TBCK: variants seen among roughly 807,000 people sequenced by gnomAD.
TBCK encodes TBC1 domain containing kinase, also known as TBC domain-containing protein kinase-like protein.
TBCK carries 99 observed loss-of-function variants against 113.4 expected under a neutral mutation model. That is an observed-to-expected ratio of 0.87 (90% CI 0.74 to 1.03). The LOEUF is 1.03. TBCK is among the 50% of genes least tolerant of loss of function. The pLI is 0.00. For synonymous variants in TBCK, 369 were observed against 370.8 expected (o/e 1.00, Z 0.05); for missense variants, 1,045 against 1,061.3 (o/e 0.98, Z 0.21).
intron 25 of TBCK, among the ~76,000 whole-genome samples, chr4:106,087,884 C>T (rs1047526525): frequency 1.3e-5 from 2 of 152,206 alleles, no homozygotes; most frequent in East Asian, 3.8e-4. Flanking sequence ...GCTGGGAAGA[C>T]TGGCTAGCCA....
intron 24 of TBCK, 49 bp from the exon 25 acceptor site, chr4:106,095,690 T>C (rs374440593): frequency 1.9e-6 from 3 of 1,556,740 alleles, no homozygotes; most frequent in Non-Finnish European, 2.6e-6. Flanking sequence ...CAATCCTGAG[T>C]GTCTGAGGGA....
chr4:106,266,208 A>T (rs1281742477), intron 3 of TBCK, among the ~76,000 whole-genome samples: 1 of 149,382 alleles, frequency 6.7e-6, no homozygotes, highest in East Asian at 2.0e-4. Flanking sequence ...AAGAAAACAA[A>T]GTCTTCCCCT....
intron 22 of TBCK, among the ~76,000 whole-genome samples, chr4:106,192,993 T>C (rs56885542): frequency 0.018 from 2,774 of 152,258 alleles, 78 homozygotes; most frequent in African/African-American, 0.061. Context: ...ATTAATTTCA[T>C]CTTTTTACCC....
At chr4:106,205,414 T>C (rs1289222273) in intron 20 of TBCK, among the ~76,000 whole-genome samples, 1 of 151,724 alleles carries the variant, frequency 6.6e-6, no homozygotes, top group Non-Finnish European at 1.5e-5. Flanking sequence ...AGAAGTTCAC[T>C]GACATGGTTT....
At chr4:106,097,636 A>C (rs77454815) in intron 24 of TBCK, among the ~76,000 whole-genome samples, 9,479 of 152,212 alleles carry the variant, frequency 0.062, 345 homozygotes, top group Non-Finnish European at 0.08. Context: ...GTTTCCTTGG[A>C]AAGTATTTAC....
intron 3 of TBCK, among the ~76,000 whole-genome samples, chr4:106,272,450 A>G (rs1480469993): frequency 6.6e-6 from 1 of 150,656 alleles, no homozygotes; most frequent in African/African-American, 2.4e-5. Context: ...CTAAGAAAAT[A>G]TCTAGGCTTA....
chr4:106,154,579 T>C (rs1748905260), intron 23 of TBCK, among the ~76,000 whole-genome samples: 1 of 152,144 alleles, frequency 6.6e-6, no homozygotes, highest in Admixed American at 6.5e-5. Flanking sequence ...TCCTTGGTGT[T>C]GTCGTCGCAA....
chr4:106,046,447 A>G lies in TBCK; in HGVS notation c.*123T>C, dbSNP rs537195531. ...ATGAGATTTTAAAAAATGTCTCGTG[A>G]CAAACTTTACGGAAATGCAACAATC... is the stretch of plus-strand genomic sequence containing the variant. On this transcript the variant is annotated 3_prime_UTR_variant, in exon 26 of 26. Coordinates refer to ENST00000394708, the MANE Select transcript of TBCK (RefSeq NM_001163435.3). 4 of 585,012 alleles carry G rather than the reference A, an allele frequency of 6.8e-6. No homozygotes were observed. The South Asian group carries it at 7.4e-5, about 11-fold the overall frequency. 36.2% of individuals were successfully genotyped at this position (585,012 alleles called of 1,614,324 possible).
rs865933371 is a variant in TBCK at position 106,221,207 on chromosome 4, A to G, written c.1775-8372T>C. Among the ~76,000 whole-genome samples, 7 of 152,090 alleles carry G rather than the reference A, an allele frequency of 4.6e-5. 1 individual carries two copies. The South Asian group carries it at 1.5e-3, about 32-fold the overall frequency. On this transcript the variant is annotated intron_variant, in intron 19 of 25. Coordinates refer to ENST00000394708, the MANE Select transcript of TBCK (RefSeq NM_001163435.3). ...ACCCTGTTTGCCAGGCTGGTCTCGA[A>G]CTCCTGACCTCAGGTGATCTGCCCG...
At chr4:106,090,825 C>T (rs1740135621) in intron 25 of TBCK, among the ~76,000 whole-genome samples, 1 of 152,148 alleles carries the variant, frequency 6.6e-6, no homozygotes, top group Admixed American at 6.5e-5. Context: ...CTCTCATTTC[C>T]ACCTAAGACT....
At chr4:106,239,755 T>C (rs535738662) in intron 12 of TBCK, among the ~76,000 whole-genome samples, 1 of 152,146 alleles carries the variant, frequency 6.6e-6, no homozygotes, top group African/African-American at 2.4e-5. Flanking sequence ...CAAATAGGGA[T>C]AAGGAGCCCT....
rs375345121 is a variant in TBCK at position 106,250,408 on chromosome 4, C to A, written c.658+10G>T. On this transcript the variant is annotated intron_variant, in intron 7 of 25. Transcript: ENST00000394708. Reference sequence around the variant, plus strand: ...TATATTTGAAAGATAAGCAATTGTACGACACTTACCCAAAGTAAGCAAAAA... The same window carrying A: ...TATATTTGAAAGATAAGCAATTGTAAGACACTTACCCAAAGTAAGCAAAAA... 2.0e-6 allele frequency: 3 copies of A among 1,530,276 alleles called. No homozygotes were observed. The South Asian group carries it at 3.6e-5, about 18-fold the overall frequency. The allele number at this position is 1,530,276 out of a possible 1,614,324, so 94.8% of individuals were successfully genotyped here. A position where few individuals can be genotyped will look rare whatever the true frequency, so the allele number is the denominator to read the frequency against.
chr4:106,061,041 T>C (rs1290282211), intron 25 of TBCK, among the ~76,000 whole-genome samples: 1 of 133,718 alleles, frequency 7.5e-6, no homozygotes. Context: ...CTTATGAATG[T>C]GCAAAAAAAA....
intron 23 of TBCK, among the ~76,000 whole-genome samples, chr4:106,139,237 G>A (rs1202549962): frequency 7.1e-6 from 1 of 141,108 alleles, no homozygotes; most frequent in African/African-American, 2.5e-5. Flanking sequence ...AAGAAAGTCT[G>A]GAGATCTGCC....
At chr4:106,249,206 ATAGT>A in intron 7 of TBCK, among the ~76,000 whole-genome samples, 1 of 152,294 alleles carries the variant, frequency 6.6e-6, no homozygotes, top group Non-Finnish European at 1.5e-5. Flanking sequence ...ACCAGCTTAA[ATAGT>A]TTGATAAAGG....
chr4:106,100,935 G>C (rs1038189615), intron 24 of TBCK, among the ~76,000 whole-genome samples: 1 of 152,008 alleles, frequency 6.6e-6, no homozygotes, highest in Admixed American at 6.6e-5. Context: ...TCTTTGTTAG[G>C]TTACTAACTT....
At chr4:106,113,190 A>T (rs1372675357) in intron 24 of TBCK, among the ~76,000 whole-genome samples, 2 of 152,204 alleles carry the variant, frequency 1.3e-5, no homozygotes, top group Non-Finnish European at 2.9e-5. Context: ...ATGCCAGCTC[A>T]CAATTTCAAC....
chr4:106,142,392 A>G (rs1747237157), intron 23 of TBCK, among the ~76,000 whole-genome samples: 1 of 152,212 alleles, frequency 6.6e-6, no homozygotes, highest in Non-Finnish European at 1.5e-5. Context: ...GCTTTATTAA[A>G]TTCTGTGTTA....
chr4:106,105,575 A>G (rs978662206), intron 24 of TBCK, among the ~76,000 whole-genome samples: 4 of 152,208 alleles, frequency 2.6e-5, no homozygotes, highest in Admixed American at 1.3e-4. Flanking sequence ...CTACTGAACA[A>G]AAGTCTACCA....
Sources: allele counts gnomAD v4.1 joint callset (sites outside exome capture counted in the v4.1 genomes callset), GRCh38; gene constraint gnomAD v4.1.1; transcripts MANE v1.5; gene names NCBI Gene and HGNC (gene_info 2026-07-23, HGNC 2026-07-21).